Variants in SPATS2L observed in about 807,000 individuals in gnomAD.
The protein encoded by SPATS2L is spermatogenesis associated serine rich 2 like, also known as SPATS2-like protein.
Under a neutral mutation model 59.6 loss-of-function variants are expected in SPATS2L, and 30 were observed. The ratio of observed to expected loss-of-function variants is 0.50; its 90% CI spans 0.38 to 0.68. The LOEUF (loss-of-function observed/expected upper bound fraction) is 0.68. SPATS2L is among the 30% of genes least tolerant of loss of function. SPATS2L has a pLI of 0.00. For synonymous variants in SPATS2L, 252 were observed against 263.5 expected, an observed-to-expected ratio of 0.96 and a Z score of 0.42; for missense variants, 615 against 700.0, an observed-to-expected ratio of 0.88 and a Z score of 1.37.
chr2:200,405,381 C>CAA (rs5837736), intron 3 of SPATS2L, among the ~76,000 whole-genome samples: 1,692 of 145,830 alleles, frequency 0.012, 27 homozygotes, highest in African/African-American at 0.037. Flanking sequence ...GGTTTCCTGC[C>CAA]AAAAAAAAAA....
intron 1 of SPATS2L, among the ~76,000 whole-genome samples, chr2:200,309,851 A>C (rs2079138913): frequency 6.6e-6 from 1 of 152,122 alleles, no homozygotes; most frequent in Admixed American, 6.5e-5. Context: ...TGGAGTTGTG[A>C]TGCTTGTTAT....
At chr2:200,327,480 A>G (rs1338375847) in intron 1 of SPATS2L, among the ~76,000 whole-genome samples, 1 of 152,162 alleles carries the variant, frequency 6.6e-6, no homozygotes, top group Non-Finnish European at 1.5e-5. Flanking sequence ...GGCAGATGGA[A>G]TTTACCAAAG....
chr2:200,392,658 G>T, intron 3 of SPATS2L, among the ~76,000 whole-genome samples: 1 of 152,068 alleles, frequency 6.6e-6, no homozygotes, highest in Non-Finnish European at 1.5e-5. Context: ...TCTGTGGTTG[G>T]TTGAATCCAC....
chr2:200,339,832 T>C (rs1207163420), intron 2 of SPATS2L, among the ~76,000 whole-genome samples: 2 of 152,234 alleles, frequency 1.3e-5, no homozygotes, highest in Non-Finnish European at 1.5e-5. Context: ...TTTTTAACGT[T>C]TGTGGCATGA....
At chr2:200,473,550 A>G (rs1233127217) in intron 12 of SPATS2L, among the ~76,000 whole-genome samples, 1 of 152,230 alleles carries the variant, frequency 6.6e-6, no homozygotes, top group Non-Finnish European at 1.5e-5. Context: ...TTGGGATTTC[A>G]GTAAGGAGAA....
chr2:200,310,697 A>G (rs2079166149), intron 1 of SPATS2L, among the ~76,000 whole-genome samples: 1 of 152,210 alleles, frequency 6.6e-6, no homozygotes, highest in Non-Finnish European at 1.5e-5. Context: ...CTTGCCCCAA[A>G]TTAACTTACC....
chr2:200,410,504 T>G (rs1442723824), intron 3 of SPATS2L, among the ~76,000 whole-genome samples: 1 of 152,144 alleles, frequency 6.6e-6, no homozygotes, highest in Non-Finnish European at 1.5e-5. Context: ...TACGATCTGG[T>G]CCCTGCCCAG....
intron 2 of SPATS2L, among the ~76,000 whole-genome samples, chr2:200,359,887 CCTT>C (rs2081040032): frequency 6.6e-6 from 1 of 152,194 alleles, no homozygotes; most frequent in Non-Finnish European, 1.5e-5. Flanking sequence ...ACTTCTAAGT[CCTT>C]CTCTTCTGAA....
At chr2:200,331,819 G>T (rs1038335246) in intron 2 of SPATS2L, among the ~76,000 whole-genome samples, 8 of 152,194 alleles carry the variant, frequency 5.3e-5, no homozygotes, top group Admixed American at 5.2e-4. Context: ...TGGTAAGACA[G>T]TGGTCGACCA....
At chr2:200,305,931 A>C (rs1212463847), upstream of SPATS2L, 1 of 456,292 alleles carries the variant, frequency 2.2e-6, no homozygotes, top group Admixed American at 6.4e-5. Flanking sequence ...AAGTGCTTCC[A>C]TCATGAATAA....
intron 2 of SPATS2L, among the ~76,000 whole-genome samples, chr2:200,352,337 A>ATGG (rs2080767061): frequency 6.2e-5 from 1 of 16,090 alleles, no homozygotes; most frequent in African/African-American, 7.9e-5. Flanking sequence ...ATATATATAT[A>ATGG]TATATATATA....
rs187772138 is a variant in SPATS2L at position 200,477,879 on chromosome 2, C to T, written c.1525C>T (p.Arg509Trp). The T allele has an allele frequency of 2.2e-5, 35 of 1,606,308 alleles. No individual in the cohort carries two copies. The East Asian group carries it at 3.6e-4, about 16-fold the overall frequency. ...GGCCCCGGCCCATTCTGAAAAGCCC[C>T]GGCGAAGGCAGCACGCTGCAGACAC... ...PEAPAHSEKP[R>W]RRQHAADTSE... The change falls in exon 13 of 13, where the codon CGG becomes TGG. Residue 509 changes from arginine (R) to tryptophan (W), a missense_variant. By Grantham distance (101) the Arg-to-Trp change is moderately radical. Transcript: ENST00000409140.
At chr2:200,474,868 C>T (rs1332217347) in intron 12 of SPATS2L, among the ~76,000 whole-genome samples, 1 of 152,144 alleles carries the variant, frequency 6.6e-6, no homozygotes, top group Non-Finnish European at 1.5e-5. Flanking sequence ...TCTTGACCCT[C>T]CCGCAGCCAT....
At chr2:200,372,481 G>GTAA (rs2081459939) in intron 2 of SPATS2L, among the ~76,000 whole-genome samples, 4 of 152,078 alleles carry the variant, frequency 2.6e-5, no homozygotes, top group Admixed American at 1.3e-4. Context: ...TGTCCTCACT[G>GTAA]GGAAGTGGGG....
chr2:200,352,592 A>C (rs1198843310), intron 2 of SPATS2L, among the ~76,000 whole-genome samples: 1 of 151,774 alleles, frequency 6.6e-6, no homozygotes, highest in Non-Finnish European at 1.5e-5. Flanking sequence ...TCTGTTCCTG[A>C]AGGCTCTTTT....
In SPATS2L at chr2:200,306,796, C is replaced by T. The variant is rs1265334987; in HGVS notation, c.-199C>T. The T allele has an allele frequency of 1.7e-5, 17 of 981,282 alleles. No homozygotes were observed. The highest frequency in any genetic ancestry group is 2.1e-5 in the Non-Finnish European group (17 of 828,230). The allele number at this position is 981,282 out of a possible 1,614,324, so 60.8% of individuals were successfully genotyped here. ...AGCTCCGGACGGCGCGCGGCCCAGGCAGCGGCTCCCGCTCGGCCCGCCCTC... is the reference window on the plus strand; with the variant it reads ...AGCTCCGGACGGCGCGCGGCCCAGGTAGCGGCTCCCGCTCGGCCCGCCCTC... On this transcript the variant is annotated 5_prime_UTR_variant, in exon 1 of 13. Transcript: ENST00000409140.
At chr2:200,419,222 T>C in intron 5 of SPATS2L, 28 bp from the exon 6 acceptor site, 1 of 1,541,158 alleles carries the variant, frequency 6.5e-7, no homozygotes, top group South Asian at 1.2e-5. Flanking sequence ...GAGTTGAATA[T>C]TATGTTCTCA....
chr2:200,402,679 C>G (rs1337579167), intron 3 of SPATS2L, among the ~76,000 whole-genome samples: 1 of 152,256 alleles, frequency 6.6e-6, no homozygotes, highest in Admixed American at 6.5e-5. Flanking sequence ...CCCAATGCAT[C>G]TGTCACTGCT....
At chr2:200,305,980 TC>T, upstream of SPATS2L, 5 of 938,366 alleles carry the variant, frequency 5.3e-6, no homozygotes, top group Non-Finnish European at 6.4e-6. Context: ...ACTACTGTAC[TC>T]CCAGGCAGAA....
Sources: allele counts gnomAD v4.1 joint callset (sites outside exome capture counted in the v4.1 genomes callset), GRCh38; gene constraint gnomAD v4.1.1; transcripts MANE v1.5; gene names NCBI Gene and HGNC (gene_info 2026-07-23, HGNC 2026-07-21).